LINGO2: variants seen among roughly 807,000 people sequenced by gnomAD.
LINGO2 encodes leucine-rich repeat and immunoglobulin-like domain-containing nogo receptor-interacting protein 2.
Under a neutral mutation model 30.6 loss-of-function variants are expected in LINGO2, and 14 were observed. The ratio of observed to expected loss-of-function variants is 0.46; its 90% CI spans 0.30 to 0.72. The LOEUF is 0.72. LINGO2 is among the 30% of genes least tolerant of loss of function. LINGO2 has a pLI of 0.07. For synonymous variants in LINGO2, 317 were observed against 288.5 expected (o/e 1.10, Z -1.00); for missense variants, 729 against 751.7 (o/e 0.97, Z 0.35).
At chr9:28,610,425 C>T (rs1041928883) in intron 1 of LINGO2, among the ~76,000 whole-genome samples, 1 of 152,068 alleles carries the variant, frequency 6.6e-6, no homozygotes, top group African/African-American at 2.4e-5. Context: ...TATGTTGAAA[C>T]GTAATCCCCA....
intron 2 of LINGO2, among the ~76,000 whole-genome samples, chr9:28,381,717 T>C (rs1821365818): frequency 6.6e-6 from 1 of 152,112 alleles, no homozygotes; most frequent in African/African-American, 2.4e-5. Flanking sequence ...TTTTGTCTGA[T>C]GGAAGTGTTT....
chr9:28,830,712 G>A, the LINGO2 span, among the ~76,000 whole-genome samples: 3 of 151,958 alleles, frequency 2.0e-5, no homozygotes, highest in Non-Finnish European at 4.4e-5. Flanking sequence ...TTCTCCTGAC[G>A]TCTCCCCAAA....
intron 4 of LINGO2, among the ~76,000 whole-genome samples, chr9:28,039,100 A>G (rs1428629294): frequency 6.6e-6 from 1 of 152,204 alleles, no homozygotes; most frequent in African/African-American, 2.4e-5. Context: ...TTTAGTAAGC[A>G]AGGGGAAGAG....
intron 4 of LINGO2, among the ~76,000 whole-genome samples, chr9:28,091,795 T>C (rs1826097958): frequency 6.6e-6 from 1 of 152,134 alleles, no homozygotes; most frequent in African/African-American, 2.4e-5. Flanking sequence ...TTTTGCAATC[T>C]ACTCATGTGG....
chr9:27,978,631 T>C (rs1563876315), intron 5 of LINGO2, among the ~76,000 whole-genome samples: 1 of 152,006 alleles, frequency 6.6e-6, no homozygotes, highest in Non-Finnish European at 1.5e-5. Context: ...TATGCAAAAC[T>C]GTGAGAAATA....
chr9:28,539,585 C>T (rs377739701), intron 1 of LINGO2, among the ~76,000 whole-genome samples: 7 of 152,052 alleles, frequency 4.6e-5, no homozygotes, highest in African/African-American at 1.7e-4. Flanking sequence ...GACTGTGTTA[C>T]CTGTTTGAGC....
intron 4 of LINGO2, among the ~76,000 whole-genome samples, chr9:28,233,293 C>T (rs1202983531): frequency 6.6e-6 from 1 of 151,584 alleles, no homozygotes; most frequent in Non-Finnish European, 1.5e-5. Flanking sequence ...TGAGTTTGAG[C>T]AACTAAACAT....
the LINGO2 span, among the ~76,000 whole-genome samples, chr9:28,994,963 G>A: frequency 2.6e-5 from 4 of 152,004 alleles, no homozygotes; most frequent in Non-Finnish European, 1.5e-5. Flanking sequence ...GCATGGGCAA[G>A]GACTTCATGT....
At chr9:28,400,086 C>T (rs746046693) in intron 2 of LINGO2, among the ~76,000 whole-genome samples, 15 of 152,112 alleles carry the variant, frequency 9.9e-5, no homozygotes, top group Non-Finnish European at 8.8e-5. Context: ...GAGCTGACCA[C>T]GGAATGCAAT....
intron 4 of LINGO2, among the ~76,000 whole-genome samples, chr9:28,047,298 T>C (rs572234150): frequency 1.2e-4 from 19 of 152,232 alleles, no homozygotes; most frequent in Admixed American, 6.5e-4. Flanking sequence ...TGGAGGATGA[T>C]TGTAGGTTCT....
At chr9:29,077,052 C>T in the LINGO2 span, among the ~76,000 whole-genome samples, 29,952 of 151,824 alleles carry the variant, frequency 0.2, 3,075 homozygotes, top group African/African-American at 0.24. Flanking sequence ...GTATTTATTG[C>T]CATGCTCTTC....
chr9:28,351,264 A>C (rs780433879), intron 3 of LINGO2, among the ~76,000 whole-genome samples: 1 of 143,520 alleles, frequency 7.0e-6, no homozygotes, highest in African/African-American at 2.6e-5. Flanking sequence ...AAGACTAATA[A>C]AGAAAAAAAG....
chr9:28,685,272 T>C, the LINGO2 span, among the ~76,000 whole-genome samples: 2 of 152,200 alleles, frequency 1.3e-5, no homozygotes, highest in African/African-American at 4.8e-5. Context: ...CTATTGTGAA[T>C]AGAGGAGCAC....
chr9:28,805,721 ATTG>A, the LINGO2 span, among the ~76,000 whole-genome samples: 2 of 152,166 alleles, frequency 1.3e-5, no homozygotes, highest in Non-Finnish European at 2.9e-5. Flanking sequence ...TCTGGAAGGA[ATTG>A]TTGTCCCTCA....
chr9:29,118,819 G>T, the LINGO2 span, among the ~76,000 whole-genome samples: 1 of 152,080 alleles, frequency 6.6e-6, no homozygotes, highest in South Asian at 2.1e-4. Context: ...CTTGGCTCCG[G>T]GCCCACGCTA....
chr9:28,936,381 T>C, the LINGO2 span, among the ~76,000 whole-genome samples: 1 of 152,160 alleles, frequency 6.6e-6, no homozygotes, highest in African/African-American at 2.4e-5. Context: ...AAAATGGTAG[T>C]GGTGATGATA....
chr9:28,986,679 A>G, the LINGO2 span, among the ~76,000 whole-genome samples: 4 of 152,018 alleles, frequency 2.6e-5, no homozygotes, highest in Non-Finnish European at 4.4e-5. Context: ...TGAAAATATC[A>G]TAAGTCAAAA....
chr9:29,016,271 G>C, the LINGO2 span, among the ~76,000 whole-genome samples: 5 of 152,104 alleles, frequency 3.3e-5, no homozygotes, highest in African/African-American at 4.8e-5. Context: ...GAATTTCCAA[G>C]GTACCCCAGA....
At chr9:28,936,079 T>C in the LINGO2 span, among the ~76,000 whole-genome samples, 1 of 152,182 alleles carries the variant, frequency 6.6e-6, no homozygotes, top group African/African-American at 2.4e-5. Flanking sequence ...GGGAAATTTA[T>C]TTTGTGGGCC....
Sources: gnomAD v4.1 joint callset for allele counts (sites outside exome capture counted in the v4.1 genomes callset) on GRCh38, gnomAD v4.1.1 for gene constraint, MANE v1.5 for transcripts, NCBI Gene and HGNC (gene_info 2026-07-23, HGNC 2026-07-21) for gene names.